Variants in ODR4 observed in about 807,000 individuals in gnomAD.
ODR4 encodes the protein odr-4 GPCR localization factor homolog.
ODR4 carries 47 observed loss-of-function variants against 60.2 expected under a neutral mutation model. The ratio of observed to expected loss-of-function variants is 0.78; its 90% CI spans 0.62 to 1.00. ODR4 has a LOEUF of 1.00. Among genes scored for constraint, ODR4 ranks in the 50% least tolerant of loss-of-function variants. The probability of loss-of-function intolerance (pLI) is 0.00; values close to 1 mark genes in which losing one functional copy is unlikely to be tolerated. For missense variants in ODR4, 488 were observed against 530.8 expected (o/e 0.92, Z 0.79); for synonymous variants, 178 against 175.5 (o/e 1.01, Z -0.11).
intron 11 of ODR4, chr1:186,399,351 A>G (rs1468558819): frequency 2.7e-6 from 1 of 370,634 alleles, no homozygotes; most frequent in Non-Finnish European, 5.1e-6. Flanking sequence ...GCCTGCAGGC[A>G]CATGCCATGA....
chr1:186,414,400 AT>A (rs1661480338), intron 12 of ODR4, among the ~76,000 whole-genome samples: 1 of 152,136 alleles, frequency 6.6e-6, no homozygotes, highest in Non-Finnish European at 1.5e-5. Context: ...GTTTTTTTAT[AT>A]GCAAGTATTC....
At position 186,403,997 on chromosome 1, in the gene ODR4, C is replaced by G. The variant is rs148575000; in HGVS notation, c.1001-2086C>G. Among the ~76,000 whole-genome samples the G allele has an allele frequency of 3.2e-3, 488 of 152,228 alleles. 1 individual carries two copies. Among genetic ancestry groups the G allele is most frequent in the Non-Finnish European group, 4.9e-3 (336 of 68,020 alleles). On this transcript the variant is annotated intron_variant, in intron 11 of 13. Coordinates refer to ENST00000287859, the MANE Select transcript of ODR4 (RefSeq NM_017847.6). Reference sequence around the variant, plus strand: ...TGCAGATGTCCTCTTATCCTTTAAGCTTCAACTGTGCTATCACCTATTCTA... The same window carrying G: ...TGCAGATGTCCTCTTATCCTTTAAGGTTCAACTGTGCTATCACCTATTCTA...
rs1038554797 is a variant in ODR4, at chr1:186,420,054, C to T, written c.*978C>T. On this transcript the variant is annotated 3_prime_UTR_variant, in exon 14 of 14. Coordinates refer to ENST00000287859, the MANE Select transcript of ODR4 (RefSeq NM_017847.6). Reference sequence around the variant, plus strand: ...GTATGTTAGACTAGATATTATAAAACAACTAGATCCTGAATAAAATCTGCT... The same window carrying T: ...GTATGTTAGACTAGATATTATAAAATAACTAGATCCTGAATAAAATCTGCT... The T allele has an allele frequency of 1.3e-5, 2 of 152,102 alleles. No individual in the cohort carries two copies. The highest frequency in any genetic ancestry group is 2.9e-5 in the Non-Finnish European group (2 of 68,010). 9.4% of individuals were successfully genotyped at this position (152,102 alleles called of 1,614,324 possible).
rs1452616895 is a variant in ODR4, at chr1:186,390,682, A to G, written c.475-29A>G. Reference sequence around the variant, plus strand: ...ATGTATTTTATCTAGACTACATCATAGTTATTTTTCTCCCTTCTCCACTGC... The same window carrying G: ...ATGTATTTTATCTAGACTACATCATGGTTATTTTTCTCCCTTCTCCACTGC... On this transcript the variant is annotated intron_variant, in intron 6 of 13. Transcript: ENST00000287859. 2.2e-5 allele frequency: 36 copies of G among 1,608,914 alleles called. 1 individual carries two copies. In the Middle Eastern group the frequency reaches 6.6e-4, roughly 29 times the overall value.
intron 12 of ODR4, among the ~76,000 whole-genome samples, chr1:186,415,944 C>T (rs184218587): frequency 9.2e-5 from 14 of 152,262 alleles, no homozygotes; most frequent in Admixed American, 2.0e-4. Flanking sequence ...GCCTTGCTTA[C>T]CATTCTGAGT....
At chr1:186,433,997 A>G in the ODR4 span, among the ~76,000 whole-genome samples, 1 of 152,254 alleles carries the variant, frequency 6.6e-6, no homozygotes, top group Non-Finnish European at 1.5e-5. Context: ...CTGCACTGAA[A>G]TTTCTGATGG....
At chr1:186,425,095 G>A (rs1179344307), downstream of ODR4, among the ~76,000 whole-genome samples, 1 of 151,980 alleles carries the variant, frequency 6.6e-6, no homozygotes, top group East Asian at 1.9e-4. Flanking sequence ...TTGTGTTCCT[G>A]ATGGAAAATT....
At chr1:186,386,335 C>T (rs538045901) in intron 4 of ODR4, among the ~76,000 whole-genome samples, 6 of 152,112 alleles carry the variant, frequency 3.9e-5, no homozygotes, top group African/African-American at 1.4e-4. Flanking sequence ...ATTTAGTACA[C>T]TACCCAAAAC....
chr1:186,395,628 C>T (rs1184726250), intron 9 of ODR4, among the ~76,000 whole-genome samples: 1 of 152,180 alleles, frequency 6.6e-6, no homozygotes, highest in Non-Finnish European at 1.5e-5. Flanking sequence ...CCTAAACTAG[C>T]ACAAGTAGCC....
Position 186,390,952 on chromosome 1 carries a change from A to T in ODR4, c.615+101A>T, listed in dbSNP as rs1488225097. 2.2e-5 allele frequency: 27 copies of T among 1,225,790 alleles called. No individual in the cohort carries two copies. In the Admixed American group the frequency reaches 6.9e-4, roughly 31 times the overall value. 75.9% of individuals were successfully genotyped at this position (1,225,790 alleles called of 1,614,324 possible). A position where few individuals can be genotyped will look rare whatever the true frequency, so the allele number is the denominator to read the frequency against. On this transcript the variant is annotated intron_variant, in intron 7 of 13. Coordinates refer to ENST00000287859, the MANE Select transcript of ODR4 (RefSeq NM_017847.6). ...TCATTTTACAATCCTCAAAAATTAC[A>T]TTCTGCTTACAATGTTGTTATGTGA...
intron 11 of ODR4, 145 bp from the exon 12 acceptor site, chr1:186,405,938 T>C: frequency 3.6e-6 from 2 of 563,152 alleles, no homozygotes; most frequent in Non-Finnish European, 5.6e-6. Flanking sequence ...TAAGAGCAAT[T>C]TTGTGCCAGA....
intron 4 of ODR4, 53 bp from the exon 5 acceptor site, chr1:186,388,389 C>A: frequency 1.9e-6 from 2 of 1,025,886 alleles, no homozygotes; most frequent in Non-Finnish European, 2.8e-6. Flanking sequence ...TTTCAACACT[C>A]ATCTTTTTTT....
intron 11 of ODR4, among the ~76,000 whole-genome samples, chr1:186,399,617 A>G (rs895239677): frequency 1.3e-5 from 2 of 152,236 alleles, no homozygotes; most frequent in Non-Finnish European, 2.9e-5. Flanking sequence ...CTCCTGCCAG[A>G]ATGAGTAAAC....
downstream of ODR4, among the ~76,000 whole-genome samples, chr1:186,421,571 T>C (rs1284242782): frequency 6.6e-6 from 1 of 151,998 alleles, no homozygotes; most frequent in African/African-American, 2.4e-5. Flanking sequence ...GCCACAACAA[T>C]AGATAGGGGA....
chr1:186,406,840 C>CT (rs1197237238), intron 12 of ODR4, among the ~76,000 whole-genome samples: 1 of 151,930 alleles, frequency 6.6e-6, no homozygotes, highest in Non-Finnish European at 1.5e-5. Flanking sequence ...TCACATTTGA[C>CT]TTTATACTTT....
At chr1:186,400,656 T>G (rs1458823565) in intron 11 of ODR4, 2 of 189,982 alleles carry the variant, frequency 1.1e-5, no homozygotes, top group African/African-American at 4.8e-5. Context: ...CAACTTCTTT[T>G]AGTACTACTG....
intron 1 of ODR4, 114 bp downstream of exon 1, chr1:186,376,088 A>G (rs1325381903): frequency 1.3e-5 from 2 of 152,302 alleles, no homozygotes; most frequent in African/African-American, 4.8e-5. Flanking sequence ...TCCGGCACAC[A>G]CTTCTGACGA....
chr1:186,401,258 A>G (rs1660934361), intron 11 of ODR4: 3 of 1,296,584 alleles, frequency 2.3e-6, no homozygotes, highest in South Asian at 1.3e-5. Flanking sequence ...AACTTGATAC[A>G]TTTAGAAGTT....
chr1:186,413,720 A>G (rs1661453156), intron 12 of ODR4, among the ~76,000 whole-genome samples: 2 of 152,218 alleles, frequency 1.3e-5, no homozygotes, highest in African/African-American at 2.4e-5. Flanking sequence ...TGAAGATATA[A>G]TTTTATGGCT....
Sources: gnomAD v4.1 joint callset for allele counts (sites outside exome capture counted in the v4.1 genomes callset) on GRCh38, gnomAD v4.1.1 for gene constraint, MANE v1.5 for transcripts, NCBI Gene and HGNC (gene_info 2026-07-23, HGNC 2026-07-21) for gene names.